Variants in SH3BP4 observed in about 807,000 individuals in gnomAD.
SH3BP4 encodes SH3 domain binding protein 4.
A neutral mutation model predicts 65.5 loss-of-function variants in SH3BP4; 33 were observed. The ratio of observed to expected loss-of-function variants is 0.50; its 90% CI spans 0.38 to 0.67. The LOEUF (loss-of-function observed/expected upper bound fraction) is 0.67, where lower values mean the gene tolerates loss of function less well. SH3BP4 is among the 30% of genes least tolerant of loss of function. The pLI is 0.00. For missense variants in SH3BP4, 1,134 were observed against 1,261.4 expected (o/e 0.90, Z 1.53); for synonymous variants, 552 against 545.5 (o/e 1.01, Z -0.17).
rs1478039750 is a variant in SH3BP4 at position 235,052,773 on chromosome 2, G to T, written c.2667+23G>T. On this transcript the variant is annotated intron_variant, in intron 5 of 5. Coordinates refer to ENST00000392011, the MANE Select transcript of SH3BP4 (RefSeq NM_014521.3). This position sits in a 1 kb window ranked among gnomAD's most constrained non-coding sequence, Gnocchi z 5.0. ...GAGGTGAGCAGCGGCTGAGCTTCGAGCTCACCGAGCCCCTCTGTCCCTGGG... is the reference window on the plus strand; with the variant it reads ...GAGGTGAGCAGCGGCTGAGCTTCGATCTCACCGAGCCCCTCTGTCCCTGGG... The T allele has an allele frequency of 6.5e-7, 1 of 1,541,670 alleles. No individual in the cohort carries two copies. The highest frequency in any genetic ancestry group is 8.7e-7 in the Non-Finnish European group (1 of 1,147,698).
rs1257247990 is a variant in SH3BP4, at chr2:235,042,752, G to C, written c.1983G>C (p.Leu661Phe). The change falls in exon 4 of 6, where the codon TTG becomes TTC. Residue 661 changes from leucine (L) to phenylalanine (F), a missense_variant. Transcript: ENST00000392011. The surrounding 1 kb of genome is among the most constrained non-coding windows in gnomAD (Gnocchi z 7.3). The stretch of plus-strand genomic sequence containing the variant: ...TGTCCAGCCTCAAGTTTGGTAAGTT[G>C]CTCAAGACTGTGGTGCGGCAGAACA... The part of the protein sequence containing the change: ...RPVSSLKFGK[L>F]LKTVVRQNKN... The C allele has an allele frequency of 1.9e-6, 3 of 1,614,188 alleles. No individual in the cohort carries two copies. Among genetic ancestry groups the C allele is most frequent in the East Asian group, 2.2e-5 (1 of 44,882 alleles).
Position 235,042,351 on chromosome 2 carries a change from C to A in SH3BP4, c.1582C>A (p.Gln528Lys). ...GGCCCTGCAGCTGTGGGGGAAGCACCAGTTCGTTTTGTCCAGGCCCCAGGA... is the reference window on the plus strand; with the variant it reads ...GGCCCTGCAGCTGTGGGGGAAGCACAAGTTCGTTTTGTCCAGGCCCCAGGA... ...PVALQLWGKHQFVLSRPQDLK... is the reference protein window; with the variant it reads ...PVALQLWGKHKFVLSRPQDLK... The change falls in exon 4 of 6, where the codon CAG becomes AAG. Residue 528 changes from glutamine (Q) to lysine (K), a missense_variant. By Grantham distance (53) the Gln-to-Lys change is moderately conservative (BLOSUM62 1). Coordinates refer to ENST00000392011, the MANE Select transcript of SH3BP4 (RefSeq NM_014521.3). The surrounding 1 kb of genome is among the most constrained non-coding windows in gnomAD (Gnocchi z 7.3). 6.2e-7 allele frequency: 1 copy of A among 1,614,166 alleles called. No individual in the cohort carries two copies. Among genetic ancestry groups the A allele is most frequent in the Non-Finnish European group, 8.5e-7 (1 of 1,180,028 alleles).
In SH3BP4 at chr2:234,974,615, T is replaced by C. The variant is rs1693113688; in HGVS notation, c.-206-20688T>C. Among the ~76,000 whole-genome samples the C allele has an allele frequency of 6.6e-6, 1 of 152,222 alleles. No individual in the cohort carries two copies. On this transcript the variant is annotated intron_variant, in intron 1 of 5. Coordinates refer to ENST00000392011, the MANE Select transcript of SH3BP4 (RefSeq NM_014521.3). This position sits in a 1 kb window ranked among gnomAD's most constrained non-coding sequence, Gnocchi z 4.6. The stretch of plus-strand genomic sequence containing the variant: ...CCTTAGTGTTAGGCTGGCGCGGGCC[T>C]TCTGGTGCTCAGGGCCCCCGTTCCC...
At position 235,010,420 on chromosome 2, in the gene SH3BP4, G is replaced by A. The variant is rs555204963; in HGVS notation, c.-133+15044G>A. Reference sequence around the variant, plus strand: ...GCTGTTTGGTGGCTGGAAAACCTTGGACAAGAGGCTTGGCTTCTCTGCATC... The same window carrying A: ...GCTGTTTGGTGGCTGGAAAACCTTGAACAAGAGGCTTGGCTTCTCTGCATC... On this transcript the variant is annotated intron_variant, in intron 2 of 5. Coordinates refer to ENST00000392011, the MANE Select transcript of SH3BP4 (RefSeq NM_014521.3). Among the ~76,000 whole-genome samples the A allele has an allele frequency of 2.0e-5, 3 of 152,302 alleles. No homozygotes were observed. The East Asian group carries it at 5.8e-4, about 29-fold the overall frequency.
intron 1 of SH3BP4, among the ~76,000 whole-genome samples, chr2:234,984,293 C>T (rs1693478423): frequency 1.3e-5 from 2 of 152,174 alleles, no homozygotes; most frequent in Admixed American, 1.3e-4. Context: ...ACCTCGACCT[C>T]TGGGCTCAAG....
intron 1 of SH3BP4, among the ~76,000 whole-genome samples, chr2:234,964,154 T>C (rs1692781652): frequency 6.6e-6 from 1 of 152,108 alleles, no homozygotes; most frequent in Admixed American, 6.5e-5. Flanking sequence ...ACCCCAGCTA[T>C]GGGGATAAGG....
At chr2:235,031,350 C>A (rs763622019) in intron 2 of SH3BP4, among the ~76,000 whole-genome samples, 3 of 152,184 alleles carry the variant, frequency 2.0e-5, no homozygotes, top group Non-Finnish European at 4.4e-5. Context: ...CAATAATAAA[C>A]ACACACACTG....
intron 3 of SH3BP4, among the ~76,000 whole-genome samples, chr2:235,039,391 G>T (rs370715698): frequency 1.3e-5 from 2 of 152,064 alleles, no homozygotes; most frequent in African/African-American, 4.8e-5. Flanking sequence ...GATAGAATAC[G>T]ATGACTGTGG....
intron 3 of SH3BP4, among the ~76,000 whole-genome samples, chr2:235,038,794 C>T (rs1218075972): frequency 6.6e-6 from 1 of 152,092 alleles, no homozygotes; most frequent in South Asian, 2.1e-4. Flanking sequence ...GGGAGTCCTG[C>T]CTGCACCTGC....
At chr2:234,962,192 G>A (rs901205106) in intron 1 of SH3BP4, among the ~76,000 whole-genome samples, 7 of 151,988 alleles carry the variant, frequency 4.6e-5, no homozygotes, top group Admixed American at 2.6e-4. Flanking sequence ...ACTGGAGTGC[G>A]GTGGCCCAAT....
At chr2:234,986,287 T>A (rs934826769) in intron 1 of SH3BP4, among the ~76,000 whole-genome samples, 2 of 152,218 alleles carry the variant, frequency 1.3e-5, no homozygotes, top group Admixed American at 6.5e-5. Flanking sequence ...AGAGCCAGGA[T>A]TTGAGTCCAT....
At position 235,041,969 on chromosome 2, in the gene SH3BP4, G is replaced by C; in HGVS notation, c.1200G>C (p.Glu400Asp). 6.2e-7 allele frequency: 1 copy of C among 1,613,372 alleles called. No individual in the cohort carries two copies. Residue 400 changes from glutamate to aspartate, a missense_variant, in exon 4 of 6, where the codon GAG (glutamate) becomes GAC (aspartate). Transcript: ENST00000392011. The surrounding 1 kb of genome is among the most constrained non-coding windows in gnomAD (Gnocchi z 6.0). ...SIILEMKVSA[E>D]IKNDLFSKST... The stretch of plus-strand genomic sequence containing the variant: ...TCTTGGAGATGAAAGTGTCAGCCGA[G>C]ATAAAAAATGACCTTTTTAGCAAAA...
At chr2:235,037,495 A>G (rs1486812295) in intron 3 of SH3BP4, among the ~76,000 whole-genome samples, 1 of 152,152 alleles carries the variant, frequency 6.6e-6, no homozygotes, top group Non-Finnish European at 1.5e-5. Context: ...GTTGGATAAA[A>G]CTGAATGATA....
Position 235,040,940 on chromosome 2 carries a change from A to G in SH3BP4, c.171A>G (p.Ala57=). The change falls in exon 4 of 6, where the codon GCA becomes GCG. Residue 57 remains alanine (A), a synonymous_variant. Transcript: ENST00000392011. ...ACAACCCCACACCTTTCGGAAATGCAAAGGAAGTGATTGCGATCAAGGACT... is the reference window on the plus strand; with the variant it reads ...ACAACCCCACACCTTTCGGAAATGCGAAGGAAGTGATTGCGATCAAGGACT... ...LVDNPTPFGN[A]KEVIAIKDYC... 6.2e-7 allele frequency: 1 copy of G among 1,614,098 alleles called. No homozygotes were observed. Among genetic ancestry groups the G allele is most frequent in the South Asian group, 1.1e-5 (1 of 91,072 alleles).
chr2:235,039,261 A>G (rs1004782141), intron 3 of SH3BP4, among the ~76,000 whole-genome samples: 3 of 152,164 alleles, frequency 2.0e-5, no homozygotes, highest in African/African-American at 7.2e-5. Context: ...AACCCAGTTA[A>G]TGTAAATGAA....
chr2:235,050,488 C>T (rs547321781), intron 4 of SH3BP4, among the ~76,000 whole-genome samples: 1 of 152,230 alleles, frequency 6.6e-6, no homozygotes, highest in East Asian at 1.9e-4. Flanking sequence ...TCTGGCCAGC[C>T]TCGTTGGTAG....
At chr2:234,993,008 C>G (rs141757687) in intron 1 of SH3BP4, among the ~76,000 whole-genome samples, 5,058 of 152,328 alleles carry the variant, frequency 0.033, 165 homozygotes, top group Non-Finnish European at 0.047. Context: ...TGGGTCTGGG[C>G]AGCACCTGGC....
In SH3BP4 at chr2:235,047,641, C is replaced by T. The variant is rs182469900; in HGVS notation, c.2478+4394C>T. 2.6e-4 allele frequency among the ~76,000 whole-genome samples: 40 copies of T among 152,288 alleles called. 1 individual carries two copies. Among genetic ancestry groups the T allele is most frequent in the Admixed American group, 2.4e-3 (37 of 15,294 alleles). ...GGAAGGGGAGTCAGCTGGAGATAGC[C>T]GTGGGCAGTGGCCATCAGCCATGGG... is the stretch of plus-strand genomic sequence containing the variant. On this transcript the variant is annotated intron_variant, in intron 4 of 5. Coordinates refer to ENST00000392011, the MANE Select transcript of SH3BP4 (RefSeq NM_014521.3).
In SH3BP4 at chr2:234,977,046, T is replaced by TGG. The variant is rs1171375549; in HGVS notation, c.-206-18256_-206-18255dup. On this transcript the variant is annotated intron_variant, in intron 1 of 5. Coordinates refer to ENST00000392011, the MANE Select transcript of SH3BP4 (RefSeq NM_014521.3). This position sits in a 1 kb window ranked among gnomAD's most constrained non-coding sequence, Gnocchi z 5.1. Reference sequence around the variant, plus strand: ...GTAAGACACTCACAGGGAAGCCGGGTGGCGGGAGGCCTGTGGGAATTCTCT... The same window carrying TGG: ...GTAAGACACTCACAGGGAAGCCGGGTGGGGCGGGAGGCCTGTGGGAATTCTCT... 5.3e-5 allele frequency among the ~76,000 whole-genome samples: 8 copies of TGG among 152,342 alleles called. No homozygotes were observed. The highest frequency in any genetic ancestry group is 1.9e-4 in the African/African-American group (8 of 41,584).
Sources: allele counts gnomAD v4.1 joint callset (sites outside exome capture counted in the v4.1 genomes callset), GRCh38; gene constraint gnomAD v4.1.1; non-coding constraint Gnocchi (gnomAD v3.1); transcripts MANE v1.5; gene names NCBI Gene and HGNC (gene_info 2026-07-23, HGNC 2026-07-21).